TSACC: variants seen among roughly 807,000 people sequenced by gnomAD.
The protein encoded by TSACC is TSSK6 activating cochaperone.
Under a neutral mutation model 6.9 loss-of-function variants are expected in TSACC, and 3 were observed. The observed-to-expected ratio is 0.43, with a 90% confidence interval of 0.20 to 1.12. TSACC has a LOEUF of 1.12. Ranked by LOEUF, TSACC falls within the 50% of genes most tolerant of loss-of-function variation. The pLI is 0.28. For synonymous variants in TSACC, 54 were observed against 55.1 expected (o/e 0.98, Z 0.09); for missense variants, 137 against 143.9 (o/e 0.95, Z 0.24).
intron 2 of TSACC, among the ~76,000 whole-genome samples, chr1:156,340,171 T>G (rs1274160902): frequency 6.6e-6 from 1 of 152,208 alleles, no homozygotes; most frequent in Non-Finnish European, 1.5e-5. Context: ...TAATTTTTTT[T>G]TTGTTTAGAC....
intron 1 of TSACC, among the ~76,000 whole-genome samples, chr1:156,339,236 C>T (rs1180561387): frequency 6.6e-6 from 1 of 151,756 alleles, no homozygotes; most frequent in Middle Eastern, 3.4e-3. Context: ...TGCACTCCAG[C>T]CTGGCGACAG....
In TSACC at chr1:156,340,207, G is replaced by A. The variant is rs141545525; in HGVS notation, c.34+416G>A. Among the ~76,000 whole-genome samples, 80 of 152,284 alleles carry A rather than the reference G, an allele frequency of 5.3e-4. 1 individual carries two copies. The East Asian group carries it at 0.015, about 29-fold the overall frequency. ...GGAGTCTCGCTCTGTCACCCAGGCT[G>A]GGGTGCAGAGGCACCATCTCTGCTC... On this transcript the variant is annotated intron_variant, in intron 2 of 3. Coordinates refer to ENST00000368254, the MANE Select transcript of TSACC (RefSeq NM_001304817.2).
intron 3 of TSACC, 64 bp downstream of exon 3, chr1:156,344,772 G>T: frequency 6.4e-7 from 1 of 1,573,564 alleles, no homozygotes. Flanking sequence ...GGAGGAGGTG[G>T]CTTGAGCTGT....
At chr1:156,341,781 TGGCCG>T (rs1202429488) in intron 2 of TSACC, among the ~76,000 whole-genome samples, 1 of 152,018 alleles carries the variant, frequency 6.6e-6, no homozygotes, top group African/African-American at 2.4e-5. Context: ...AATGCATTCT[TGGCCG>T]GGCGCAGTGG....
upstream of TSACC, chr1:156,338,026 C>G: frequency 9.4e-7 from 1 of 1,067,638 alleles, no homozygotes; most frequent in Non-Finnish European, 1.4e-6. Context: ...ACTGGGCTTC[C>G]AAAATGAAGA....
At chr1:156,340,257 C>T (rs1665791992) in intron 2 of TSACC, among the ~76,000 whole-genome samples, 1 of 152,220 alleles carries the variant, frequency 6.6e-6, no homozygotes, top group Non-Finnish European at 1.5e-5. Context: ...CTCCTGGGTT[C>T]ACGCCATTCT....
intron 1 of TSACC, 93 bp from the exon 2 acceptor site, chr1:156,339,541 C>T: frequency 4.1e-6 from 2 of 486,898 alleles, no homozygotes; most frequent in Non-Finnish European, 7.3e-6. Flanking sequence ...AAACTGTTTT[C>T]CAAACTAGTG....
At chr1:156,345,451 T>G (rs559782906) in intron 3 of TSACC, among the ~76,000 whole-genome samples, 1 of 151,996 alleles carries the variant, frequency 6.6e-6, no homozygotes, top group East Asian at 1.9e-4. Flanking sequence ...TAATCTCAGC[T>G]GCTTAGGAGG....
At chr1:156,341,648 T>C (rs935310327) in intron 2 of TSACC, among the ~76,000 whole-genome samples, 1 of 152,218 alleles carries the variant, frequency 6.6e-6, no homozygotes, top group Non-Finnish European at 1.5e-5. Context: ...GAAATACAGC[T>C]CCTTTAGTAT....
At chr1:156,338,517 G>A (rs2101692080), upstream of TSACC, 2 of 497,566 alleles carry the variant, frequency 4.0e-6, no homozygotes, top group East Asian at 3.5e-5. Flanking sequence ...CAGGCGCCAA[G>A]GCTCTGGCAG....
rs527709469 is a variant in TSACC, at chr1:156,338,549, A to C, written c.-181A>C. The C allele has an allele frequency of 2.5e-6, 1 of 406,160 alleles. No homozygotes were observed. Among genetic ancestry groups the C allele is most frequent in the East Asian group, 4.5e-5 (1 of 22,032 alleles). 25.2% of individuals were successfully genotyped at this position (406,160 alleles called of 1,614,324 possible). A position where few individuals can be genotyped will look rare whatever the true frequency, so the allele number is the denominator to read the frequency against. ...GCAGTTGGCCAGCACACCACTACGC[A>C]TGTGTGTCAACTCTAGGGTTGGGTG... On this transcript the variant is annotated 5_prime_UTR_variant, in exon 1 of 4. The change abolishes an upstream ATG in the 5' untranslated region. Transcript: ENST00000368254.
In TSACC at chr1:156,341,353, C is replaced by T. The variant is rs567287543; in HGVS notation, c.34+1562C>T. Among the ~76,000 whole-genome samples the T allele has an allele frequency of 2.4e-4, 36 of 152,288 alleles. No homozygotes were observed. In the South Asian group the frequency reaches 6.4e-3, roughly 27 times the overall value. ...TAAAGCTACCTACTTTATCTACATT[C>T]CTCAGGTCACGTTCCCCAGTGCCAC... On this transcript the variant is annotated intron_variant, in intron 2 of 3. Transcript: ENST00000368254.
upstream of TSACC, chr1:156,338,195 T>C: frequency 6.3e-7 from 1 of 1,586,432 alleles, no homozygotes; most frequent in Non-Finnish European, 8.6e-7. Context: ...GGCGACGCGA[T>C]GCAGAGCCGG....
At chr1:156,344,832 C>T (rs1570960972) in intron 3 of TSACC, 124 bp downstream of exon 3, 14 of 1,203,630 alleles carry the variant, frequency 1.2e-5, no homozygotes, top group South Asian at 3.1e-5. Flanking sequence ...TAGATCTTTC[C>T]GTGATAGCTT....
At position 156,339,705 on chromosome 1, in the gene TSACC, T is replaced by G; in HGVS notation, c.-53T>G. The G allele has an allele frequency of 2.5e-6, 4 of 1,609,738 alleles. No homozygotes were observed. The highest frequency in any genetic ancestry group is 3.4e-6 in the Non-Finnish European group (4 of 1,176,538). ...TAGTGAAAATACTAACATGGATTGT[T>G]GATCATCTGATGCTATGATTCTTTC... On this transcript the variant is annotated 5_prime_UTR_variant, in exon 2 of 4. An upstream open reading frame in the 5' UTR loses its in-frame stop. Coordinates refer to ENST00000368254, the MANE Select transcript of TSACC (RefSeq NM_001304817.2).
intron 3 of TSACC, among the ~76,000 whole-genome samples, chr1:156,344,992 T>A (rs1230532729): frequency 6.6e-6 from 1 of 152,168 alleles, no homozygotes; most frequent in Non-Finnish European, 1.5e-5. Context: ...GATGGCCAGG[T>A]TTACCCCTGT....
chr1:156,338,578 G>A lies in TSACC; in HGVS notation c.-152G>A, dbSNP rs1045702515. ...GTGTCAACTCTAGGGTTGGGTGCTG[G>A]GGTTGCGGCTTTCGGTTAACACCGC... On this transcript the variant is annotated 5_prime_UTR_variant, in exon 1 of 4. It introduces an in-frame stop codon into an upstream open reading frame of the 5' UTR. Transcript: ENST00000368254. 5 of 301,574 alleles carry A rather than the reference G, an allele frequency of 1.7e-5. No individual in the cohort carries two copies. Among genetic ancestry groups the A allele is most frequent in the Non-Finnish European group, 2.5e-5 (4 of 158,072 alleles). The allele number at this position is 301,574 out of a possible 1,614,324, so 18.7% of individuals were successfully genotyped here. A position where few individuals can be genotyped will look rare whatever the true frequency, so the allele number is the denominator to read the frequency against.
intron 3 of TSACC, among the ~76,000 whole-genome samples, chr1:156,345,138 C>G (rs1341645533): frequency 1.3e-5 from 2 of 152,174 alleles, no homozygotes; most frequent in East Asian, 3.8e-4. Context: ...TATGGGGAAC[C>G]CAACAGGGCA....
At chr1:156,338,110 G>A (rs375555758), upstream of TSACC, 30 of 1,566,676 alleles carry the variant, frequency 1.9e-5, no homozygotes, top group African/African-American at 2.8e-4. Context: ...ATGGACAGAA[G>A]AGGGCGAAAA....
Sources: allele counts gnomAD v4.1 joint callset (sites outside exome capture counted in the v4.1 genomes callset), GRCh38; gene constraint gnomAD v4.1.1; transcripts MANE v1.5; gene names NCBI Gene and HGNC (gene_info 2026-07-23, HGNC 2026-07-21).